ST3GAL3: variants seen among roughly 807,000 people sequenced by gnomAD.
ST3GAL3 encodes the protein CMP-N-acetylneuraminate-beta-1,4-galactoside alpha-2,3-sialyltransferase.
In ST3GAL3, 21 loss-of-function variants were observed where a neutral mutation model predicts 50.1. That is an observed-to-expected ratio of 0.42 (90% confidence interval 0.30 to 0.60). The LOEUF is 0.60. Ranked by LOEUF, ST3GAL3 falls within the 20% of genes least tolerant of loss-of-function variation. The probability of loss-of-function intolerance (pLI) is 0.19; values close to 1 mark genes in which losing one functional copy is unlikely to be tolerated. For synonymous variants in ST3GAL3, 183 were observed against 190.0 expected (o/e 0.96, Z 0.30); for missense variants, 353 against 489.4 (o/e 0.72, Z 2.63).
chr1:43,903,077 G>A (rs916033793), intron 9 of ST3GAL3, among the ~76,000 whole-genome samples: 1 of 152,170 alleles, frequency 6.6e-6, no homozygotes, highest in African/African-American at 2.4e-5. Flanking sequence ...GGAGTGAGTG[G>A]GTGAAAGGAA....
At position 43,863,194 on chromosome 1, in the gene ST3GAL3, A is replaced by G. The variant is rs542579932; in HGVS notation, c.302+24883A>G. On this transcript the variant is annotated intron_variant, in intron 5 of 11. Transcript: ENST00000347631. ...TCAGGGTTTCAGAGACATTCAAGTC[A>G]AGTTGAGAGTGAGAGATTTGGTTGG... Among the ~76,000 whole-genome samples, 3 of 152,288 alleles carry G rather than the reference A, an allele frequency of 2.0e-5. No homozygotes were observed. In the South Asian group the frequency reaches 6.2e-4, roughly 32 times the overall value.
At chr1:43,897,733 G>A (rs148304226) in intron 6 of ST3GAL3, among the ~76,000 whole-genome samples, 1 of 152,236 alleles carries the variant, frequency 6.6e-6, no homozygotes, top group East Asian at 1.9e-4. Flanking sequence ...AGGAAGTGAG[G>A]GAAAGGTGAT....
chr1:43,715,576 A>T (rs1373788596), intron 1 of ST3GAL3, among the ~76,000 whole-genome samples: 1 of 89,098 alleles, frequency 1.1e-5, no homozygotes, highest in African/African-American at 3.0e-5. Context: ...ACTCTGTCTA[A>T]AAAAAAAAAA....
chr1:43,756,717 A>G (rs913849580), intron 2 of ST3GAL3, among the ~76,000 whole-genome samples: 3 of 152,150 alleles, frequency 2.0e-5, no homozygotes, highest in Non-Finnish European at 4.4e-5. Flanking sequence ...CTGTATACCT[A>G]TACATTCCAT....
chr1:43,801,937 G>A (rs1340813578), intron 3 of ST3GAL3, among the ~76,000 whole-genome samples: 2 of 152,190 alleles, frequency 1.3e-5, no homozygotes, highest in Admixed American at 6.6e-5. Context: ...GAGGTCAAGA[G>A]TGGGACGATC....
chr1:43,898,810 T>C (rs2077779745), intron 7 of ST3GAL3, among the ~76,000 whole-genome samples: 1 of 152,136 alleles, frequency 6.6e-6, no homozygotes, highest in South Asian at 2.1e-4. Flanking sequence ...CGGCCCACTT[T>C]TCCCTCTCCC....
At chr1:43,728,215 A>G (rs906904094) in intron 1 of ST3GAL3, among the ~76,000 whole-genome samples, 1 of 152,116 alleles carries the variant, frequency 6.6e-6, no homozygotes, top group Non-Finnish European at 1.5e-5. Flanking sequence ...TTCTTTTTTT[A>G]TGGCTGCACC....
At chr1:43,750,104 C>T (rs1206239099) in intron 2 of ST3GAL3, among the ~76,000 whole-genome samples, 2 of 152,134 alleles carry the variant, frequency 1.3e-5, no homozygotes, top group Non-Finnish European at 2.9e-5. Flanking sequence ...AAAGATTCAT[C>T]ATCATTAGAC....
At chr1:43,743,712 C>G (rs1297620909) in intron 2 of ST3GAL3, 3 of 223,462 alleles carry the variant, frequency 1.3e-5, no homozygotes, top group Non-Finnish European at 1.8e-5. Flanking sequence ...CAGGTGTCTA[C>G]TACAAAGGAA....
intron 5 of ST3GAL3, among the ~76,000 whole-genome samples, chr1:43,863,076 G>T (rs1021358343): frequency 6.6e-6 from 1 of 152,228 alleles, no homozygotes; most frequent in African/African-American, 2.4e-5. Context: ...TTTATCAAGT[G>T]CTGGGCACTG....
intron 5 of ST3GAL3, among the ~76,000 whole-genome samples, chr1:43,893,553 C>T (rs183201468): frequency 8.1e-4 from 124 of 152,236 alleles, no homozygotes; most frequent in Middle Eastern, 3.4e-3. Context: ...CTTCAGACTT[C>T]GTCTCCTCCT....
At chr1:43,886,238 G>A (rs551638426) in intron 5 of ST3GAL3, among the ~76,000 whole-genome samples, 9 of 152,220 alleles carry the variant, frequency 5.9e-5, no homozygotes, top group Non-Finnish European at 1.2e-4. Flanking sequence ...AACATTAGCT[G>A]GGCGTGGTGG....
At chr1:43,834,091 G>A (rs1438387628) in intron 4 of ST3GAL3, among the ~76,000 whole-genome samples, 1 of 152,108 alleles carries the variant, frequency 6.6e-6, no homozygotes, top group Non-Finnish European at 1.5e-5. Flanking sequence ...GACCTCGGAG[G>A]TGGAGGTTGC....
chr1:43,751,633 A>C (rs1686128342), intron 2 of ST3GAL3, among the ~76,000 whole-genome samples: 1 of 152,212 alleles, frequency 6.6e-6, no homozygotes, highest in Non-Finnish European at 1.5e-5. Flanking sequence ...ATGTATACAG[A>C]TAGGTCAATC....
At chr1:43,736,553 C>A in intron 2 of ST3GAL3, 173 bp downstream of exon 2, 1 of 1,163,858 alleles carries the variant, frequency 8.6e-7, no homozygotes, top group Non-Finnish European at 1.3e-6. Flanking sequence ...AGGCTGAGAA[C>A]TTTGATGTTT....
At position 43,899,714 on chromosome 1, in the gene ST3GAL3, A is replaced by T; in HGVS notation, c.731A>T (p.Tyr244Phe). The change falls in exon 9 of 12, where the codon TAC (tyrosine) becomes TTC (phenylalanine). Residue 244 changes from tyrosine (Y) to phenylalanine (F), a missense_variant. Coordinates refer to ENST00000347631, the MANE Select transcript of ST3GAL3 (RefSeq NM_006279.5). The surrounding 1 kb of genome is among the most constrained non-coding windows in gnomAD (Gnocchi z 5.4). ...QDFKWLKYIV[Y>F]KERVSASDGF... ...TTTAAGTGGTTGAAATACATCGTCT[A>T]CAAGGAGAGAGTGGTAAGCTCTCCT... 3 of 1,614,030 alleles carry T rather than the reference A, an allele frequency of 1.9e-6. No individual in the cohort carries two copies. The highest frequency in any genetic ancestry group is 2.5e-6 in the Non-Finnish European group (3 of 1,180,024).
chr1:43,802,571 G>A (rs1417318477), intron 3 of ST3GAL3, among the ~76,000 whole-genome samples: 1 of 152,246 alleles, frequency 6.6e-6, no homozygotes, highest in Non-Finnish European at 1.5e-5. Context: ...GAGAACAGGT[G>A]TGTTGCCCTT....
chr1:43,803,034 T>C (rs940066944), intron 3 of ST3GAL3, among the ~76,000 whole-genome samples: 1 of 152,102 alleles, frequency 6.6e-6, no homozygotes, highest in Non-Finnish European at 1.5e-5. Context: ...CAAATGATTC[T>C]CCTGCCTCAG....
At chr1:43,889,205 CACA>C (rs2076375805) in intron 5 of ST3GAL3, among the ~76,000 whole-genome samples, 1 of 106,502 alleles carries the variant, frequency 9.4e-6, no homozygotes, top group South Asian at 3.7e-4. Flanking sequence ...AACAGGAATA[CACA>C]CACACACACA....
Sources: allele counts gnomAD v4.1 joint callset (sites outside exome capture counted in the v4.1 genomes callset), GRCh38; gene constraint gnomAD v4.1.1; non-coding constraint Gnocchi (gnomAD v3.1); transcripts MANE v1.5; gene names NCBI Gene and HGNC (gene_info 2026-07-23, HGNC 2026-07-21).